The following TMEM150B variants were observed in gnomAD, a reference collection of about 807,000 sequenced individuals.
TMEM150B encodes the protein transmembrane protein 150B, also known as modulator of macroautophagy TMEM150B.
Under a neutral mutation model 25.2 loss-of-function variants are expected in TMEM150B, and 33 were observed. The ratio of observed to expected loss-of-function variants is 1.31; its 90% confidence interval spans 0.99 to 1.75. The LOEUF is 1.75. Ranked by LOEUF, TMEM150B falls within the 40% of genes most tolerant of loss-of-function variation. The pLI is 0.00. For synonymous variants in TMEM150B, 133 were observed against 134.8 expected (o/e 0.99, Z 0.09); for missense variants, 322 against 306.1 (o/e 1.05, Z -0.39).
intron 1 of TMEM150B, among the ~76,000 whole-genome samples, 189 bp from the exon 2 acceptor site, chr19:55,322,932 T>C (rs912280638): frequency 6.6e-6 from 1 of 151,998 alleles, no homozygotes; most frequent in Non-Finnish European, 1.5e-5. Context: ...CTCTCAGCCC[T>C]ATCCTCCCCT....
intron 6 of TMEM150B, among the ~76,000 whole-genome samples, chr19:55,318,598 T>C (rs1460644741): frequency 6.6e-6 from 1 of 152,038 alleles, no homozygotes; most frequent in Non-Finnish European, 1.5e-5. Context: ...ATCGCACTAC[T>C]GCACTCCAGC....
chr19:55,312,804 TG>T lies in TMEM150B; in HGVS notation c.*54del. On this transcript the variant is annotated 3_prime_UTR_variant, in exon 8 of 8. Coordinates refer to ENST00000326652, the MANE Select transcript of TMEM150B (RefSeq NM_001282011.2). ...CTTGCTGGGTGCGGGGCACTGGGATTGGCCCCATCTTTCCTGCTTCACTGGT... is the reference window on the plus strand; with the variant it reads ...CTTGCTGGGTGCGGGGCACTGGGATTGCCCCATCTTTCCTGCTTCACTGGT... The T allele has an allele frequency of 6.7e-7, 1 of 1,498,478 alleles. No homozygotes were observed. The highest frequency in any genetic ancestry group is 2.1e-5 in the Admixed American group (1 of 48,670). 92.8% of individuals were successfully genotyped at this position (1,498,478 alleles called of 1,614,324 possible). A position where few individuals can be genotyped will look rare whatever the true frequency, so the allele number is the denominator to read the frequency against.
downstream of TMEM150B, chr19:55,311,913 G>T (rs1301025307): frequency 5.6e-6 from 9 of 1,611,060 alleles, no homozygotes; most frequent in Non-Finnish European, 7.6e-6. Flanking sequence ...CCTTGCAGAC[G>T]AGAAGAACGG....
intron 1 of TMEM150B, among the ~76,000 whole-genome samples, chr19:55,324,275 G>A (rs2089278768): frequency 6.6e-6 from 1 of 151,750 alleles, no homozygotes; most frequent in African/African-American, 2.4e-5. Context: ...GGCTGAGGCA[G>A]GTGGATCACC....
At chr19:55,315,100 G>C (rs1021986263) in intron 7 of TMEM150B, among the ~76,000 whole-genome samples, 2 of 152,074 alleles carry the variant, frequency 1.3e-5, no homozygotes, top group Non-Finnish European at 1.5e-5. Context: ...CAGATCACCT[G>C]AGGTCAGGAG....
At chr19:55,313,421 C>T (rs540277089) in intron 7 of TMEM150B, among the ~76,000 whole-genome samples, 3 of 150,608 alleles carry the variant, frequency 2.0e-5, no homozygotes, top group Non-Finnish European at 4.4e-5. Context: ...TTCCTAAATA[C>T]GCCTCCCTCC....
chr19:55,315,703 G>A (rs2088974581), intron 7 of TMEM150B, among the ~76,000 whole-genome samples: 1 of 151,792 alleles, frequency 6.6e-6, no homozygotes, highest in Non-Finnish European at 1.5e-5. Context: ...GGAGCTTACA[G>A]TGAGCCAAGA....
At chr19:55,311,791 G>A (rs1489862698), downstream of TMEM150B, 4 of 1,046,946 alleles carry the variant, frequency 3.8e-6, no homozygotes, top group East Asian at 8.1e-5. Flanking sequence ...TCAGGGATTG[G>A]AGCTAGAGCC....
intron 7 of TMEM150B, among the ~76,000 whole-genome samples, chr19:55,316,174 C>T (rs2123066209): frequency 6.6e-6 from 1 of 152,220 alleles, no homozygotes; most frequent in Middle Eastern, 3.4e-3. Flanking sequence ...TATAAATACT[C>T]CCATGATGGC....
intron 6 of TMEM150B, among the ~76,000 whole-genome samples, chr19:55,317,441 T>A (rs951305250): frequency 2.0e-5 from 3 of 151,050 alleles, no homozygotes; most frequent in Non-Finnish European, 4.4e-5. Context: ...AGCTCAGGAG[T>A]TCAAGACCCA....
At position 55,320,595 on chromosome 19, in the gene TMEM150B, T is replaced by G; in HGVS notation, c.91A>C (p.Arg31=). ...WIVFAIAVTN[R]TVDLSKGFPY... ...AAGCCTTTACTGAGGTCCACAGTCC[T>G]GTTGGTCACTGCAATGGCAAAACTA... The change falls in exon 4 of 8, where the codon AGG becomes CGG. Residue 31 remains arginine (R), a synonymous_variant. Coordinates refer to ENST00000326652, the MANE Select transcript of TMEM150B (RefSeq NM_001282011.2). 6.2e-7 allele frequency: 1 copy of G among 1,614,036 alleles called. No individual in the cohort carries two copies. The highest frequency in any genetic ancestry group is 2.2e-5 in the East Asian group (1 of 44,874).
chr19:55,324,088 G>A (rs932393640), intron 1 of TMEM150B, among the ~76,000 whole-genome samples: 3 of 152,072 alleles, frequency 2.0e-5, no homozygotes, highest in South Asian at 2.1e-4. Context: ...GATTACAGGC[G>A]GAAGCCATCG....
rs971346895 is a variant in TMEM150B, at chr19:55,324,048, T to A, written c.-154+1224A>T. Reference sequence around the variant, plus strand: ...GCCTCAAAATGCTGACCTCAAGTGATCCCCCTGCCTCAGCCTCCCAAAGTG... The same window carrying A: ...GCCTCAAAATGCTGACCTCAAGTGAACCCCCTGCCTCAGCCTCCCAAAGTG... On this transcript the variant is annotated intron_variant, in intron 1 of 7. Transcript: ENST00000326652. Among the ~76,000 whole-genome samples, 11 of 151,324 alleles carry A rather than the reference T, an allele frequency of 7.3e-5. 2 individuals are homozygous for A. The South Asian group carries it at 2.1e-3, about 29-fold the overall frequency.
At chr19:55,312,738 G>T, downstream of TMEM150B, 1 of 1,161,158 alleles carries the variant, frequency 8.6e-7, no homozygotes, top group Non-Finnish European at 1.2e-6. Context: ...AGGTCAGTCA[G>T]CGGCAGCCCC....
In TMEM150B at chr19:55,324,963, T is replaced by C. The variant is rs576065068; in HGVS notation, c.-154+309A>G. Reference sequence around the variant, plus strand: ...AGGGGAGGGAGGGGTCCATGCTACCTGCTCCTCCGTCGGCCCTCAACACTG... The same window carrying C: ...AGGGGAGGGAGGGGTCCATGCTACCCGCTCCTCCGTCGGCCCTCAACACTG... On this transcript the variant is annotated intron_variant, in intron 1 of 7. Transcript: ENST00000326652. The C allele has an allele frequency of 5.9e-5, 48 of 818,184 alleles. 1 individual carries two copies. The South Asian group carries it at 2.3e-3, about 39-fold the overall frequency. 50.7% of individuals were successfully genotyped at this position (818,184 alleles called of 1,614,324 possible).
chr19:55,320,988 T>C lies in TMEM150B; in HGVS notation c.49A>G (p.Ile17Val), dbSNP rs1031378360. 6 of 1,613,766 alleles carry C rather than the reference T, an allele frequency of 3.7e-6. No homozygotes were observed. Among genetic ancestry groups the C allele is most frequent in the East Asian group, 2.2e-5 (1 of 44,846 alleles). ...LMPVFLAVWA[I>V]SGVWIVFAIA... ...ACTCACACGATCCAGACGCCAGAGA[T>C]AGCCCAGACAGCTAGGAAGACAGGC... The change falls in exon 3 of 8, where the codon ATC becomes GTC. Residue 17 changes from isoleucine (I) to valine (V), a missense_variant. Physicochemically the swap from Ile to Val is conservative, Grantham distance 29 (BLOSUM62 3). Coordinates refer to ENST00000326652, the MANE Select transcript of TMEM150B (RefSeq NM_001282011.2).
At chr19:55,325,246 C>G in intron 1 of TMEM150B, 26 bp downstream of exon 1, 2 of 984,690 alleles carry the variant, frequency 2.0e-6, no homozygotes, top group Non-Finnish European at 2.4e-6. Context: ...GAGCTACTTT[C>G]AAGTTGGGAA....
At chr19:55,315,644 C>G (rs2088972115) in intron 7 of TMEM150B, among the ~76,000 whole-genome samples, 1 of 152,098 alleles carries the variant, frequency 6.6e-6, no homozygotes, top group South Asian at 2.1e-4. Context: ...GCCTGTAGTC[C>G]CAGCTACTCA....
intron 6 of TMEM150B, 49 bp downstream of exon 6, chr19:55,319,989 TA>T: frequency 6.2e-7 from 1 of 1,611,534 alleles, no homozygotes; most frequent in Non-Finnish European, 8.5e-7. Context: ...CTGGGAGTTG[TA>T]GTTCCAGACG....
Sources: gnomAD v4.1 joint callset for allele counts (sites outside exome capture counted in the v4.1 genomes callset) on GRCh38, gnomAD v4.1.1 for gene constraint, MANE v1.5 for transcripts, NCBI Gene and HGNC (gene_info 2026-07-23, HGNC 2026-07-21) for gene names.